PDE8B: variants seen among roughly 807,000 people sequenced by gnomAD.
PDE8B encodes the protein phosphodiesterase 8B.
A neutral mutation model predicts 101.3 loss-of-function variants in PDE8B; 26 were observed. The observed-to-expected ratio is 0.26, with a 90% CI of 0.19 to 0.36. The LOEUF is 0.36. Ranked by LOEUF, PDE8B falls within the 10% of genes least tolerant of loss-of-function variation. The probability of loss-of-function intolerance (pLI) is 1.00; values close to 1 mark genes in which losing one functional copy is unlikely to be tolerated. For synonymous variants in PDE8B, 424 were observed against 429.3 expected (o/e 0.99, Z 0.15); for missense variants, 810 against 1,163.1 (o/e 0.70, Z 4.42).
intron 10 of PDE8B, among the ~76,000 whole-genome samples, chr5:77,362,012 T>C (rs1783191046): frequency 6.6e-6 from 1 of 152,234 alleles, no homozygotes; most frequent in Non-Finnish European, 1.5e-5. Flanking sequence ...TTTGAAATTG[T>C]GTGTTATACA....
chr5:77,363,403 T>C (rs1218415715), intron 10 of PDE8B, among the ~76,000 whole-genome samples: 1 of 152,098 alleles, frequency 6.6e-6, no homozygotes, highest in African/African-American at 2.4e-5. Flanking sequence ...TGACGTGGGT[T>C]TGAGCAGTGG....
intron 10 of PDE8B, among the ~76,000 whole-genome samples, chr5:77,389,474 C>T (rs944260371): frequency 6.6e-6 from 1 of 151,548 alleles, no homozygotes; most frequent in Non-Finnish European, 1.5e-5. Flanking sequence ...CTGCCTTCTG[C>T]GGCGATCTCT....
At chr5:77,294,383 AG>A (rs1007568392) in intron 1 of PDE8B, among the ~76,000 whole-genome samples, 12 of 152,320 alleles carry the variant, frequency 7.9e-5, no homozygotes, top group Admixed American at 7.2e-4. Flanking sequence ...CCAGGAGTGG[AG>A]GGCTTGCTGT....
intron 1 of PDE8B, among the ~76,000 whole-genome samples, chr5:77,295,898 C>T (rs922156489): frequency 6.6e-6 from 1 of 152,104 alleles, no homozygotes; most frequent in East Asian, 1.9e-4. Context: ...CAAGATGTTA[C>T]GAGAAACAAC....
At chr5:77,386,042 A>G (rs1226139622) in intron 10 of PDE8B, among the ~76,000 whole-genome samples, 2 of 152,120 alleles carry the variant, frequency 1.3e-5, no homozygotes, top group South Asian at 2.1e-4. Flanking sequence ...CTGCCTTGGC[A>G]TCCCAAAGGG....
chr5:77,271,367 T>C (rs967532441), intron 1 of PDE8B, among the ~76,000 whole-genome samples: 1 of 152,182 alleles, frequency 6.6e-6, no homozygotes, highest in African/African-American at 2.4e-5. Context: ...CTGTGGCTGG[T>C]ACGTGATCTT....
intron 10 of PDE8B, among the ~76,000 whole-genome samples, chr5:77,396,280 G>T (rs1188850307): frequency 6.6e-6 from 1 of 152,140 alleles, no homozygotes; most frequent in African/African-American, 2.4e-5. Context: ...ACTTTCTGTT[G>T]CCCTGTCATT....
At chr5:77,296,169 CTTT>C (rs1275741398) in intron 1 of PDE8B, among the ~76,000 whole-genome samples, 2 of 148,314 alleles carry the variant, frequency 1.3e-5, no homozygotes, top group Non-Finnish European at 3.0e-5. Context: ...TCATCTTCTT[CTTT>C]TTTCTTCTTT....
In PDE8B at chr5:77,424,819, G is replaced by GTTT. The variant is rs912849753; in HGVS notation, c.2419-944_2419-942dup. Among the ~76,000 whole-genome samples the GTTT allele has an allele frequency of 4.5e-3, 498 of 109,988 alleles. 4 individuals carry two copies. Among genetic ancestry groups the GTTT allele is most frequent in the African/African-American group, 9.8e-3 (307 of 31,436 alleles). The allele number at this position is 109,988 out of a possible 152,430, so 72.2% of individuals were successfully genotyped here. The stretch of plus-strand genomic sequence containing the variant: ...CAAGTGAAACTGGTTCTGTTTTTTT[G>GTTT]TTTTTTGTTTTTTGTTTTTAATGTG... On this transcript the variant is annotated intron_variant, in intron 20 of 21. Transcript: ENST00000264917.
chr5:77,259,959 C>T (rs548924775), intron 1 of PDE8B, among the ~76,000 whole-genome samples: 153 of 152,078 alleles, frequency 1.0e-3, no homozygotes, highest in Non-Finnish European at 1.4e-3. Context: ...GTCAGGAGAT[C>T]GAGACCAGCC....
intron 1 of PDE8B, among the ~76,000 whole-genome samples, chr5:77,275,583 C>T (rs1763694409): frequency 6.6e-6 from 1 of 152,186 alleles, no homozygotes. Context: ...TGTGACTCAA[C>T]TAAAATACAA....
chr5:77,380,819 C>T (rs1787308808), intron 10 of PDE8B, among the ~76,000 whole-genome samples: 1 of 152,146 alleles, frequency 6.6e-6, no homozygotes, highest in Non-Finnish European at 1.5e-5. Context: ...TAGCATGTAA[C>T]AGAAGGGCTT....
chr5:77,202,061 CT>C, the PDE8B span, among the ~76,000 whole-genome samples: 2 of 152,150 alleles, frequency 1.3e-5, no homozygotes, highest in African/African-American at 2.4e-5. Context: ...GGGCCCCACC[CT>C]TATGACCTCG....
intron 10 of PDE8B, among the ~76,000 whole-genome samples, chr5:77,381,831 A>G (rs891297088): frequency 6.6e-6 from 1 of 152,178 alleles, no homozygotes; most frequent in South Asian, 2.1e-4. Context: ...ATAAAAATCA[A>G]TGTTTTAAAT....
chr5:77,199,335 A>G, the PDE8B span, among the ~76,000 whole-genome samples: 2 of 152,238 alleles, frequency 1.3e-5, no homozygotes, highest in Non-Finnish European at 2.9e-5. Context: ...ATAAATGTAT[A>G]TACTTCTCTC....
rs1581560978 is a variant in PDE8B, at chr5:77,411,739, T to G, written c.1576+18T>G. On this transcript the variant is annotated intron_variant, in intron 15 of 21. Coordinates refer to ENST00000264917, the MANE Select transcript of PDE8B (RefSeq NM_003719.5). ...TACTAAGAGTAAGTTTTCATCTATT[T>G]ACTTGTTAGTGTAACCTGTCTCCAG... The G allele has an allele frequency of 6.3e-7, 1 of 1,579,196 alleles. No homozygotes were observed. Among genetic ancestry groups the G allele is most frequent in the African/African-American group, 1.3e-5 (1 of 74,408 alleles).
Position 77,325,544 on chromosome 5 carries a change from G to A in PDE8B, c.405G>A (p.Leu135=), listed in dbSNP as rs771371095. The A allele has an allele frequency of 1.2e-5, 20 of 1,613,758 alleles. No individual in the cohort carries two copies. Among genetic ancestry groups the A allele is most frequent in the African/African-American group, 4.0e-5 (3 of 74,896 alleles). Residue 135 remains leucine, a synonymous_variant, in exon 3 of 22, where the codon TTG becomes TTA. Coordinates refer to ENST00000264917, the MANE Select transcript of PDE8B (RefSeq NM_003719.5). ...MRLTQDPIQV[L]LIFAKEDSQS... ...CCCTTTTTGTTGTGTTTCAGGTTTT[G>A]CTGATCTTTGCAAAGGAAGATAGTC...
At chr5:77,272,318 G>A (rs1359540272) in intron 1 of PDE8B, among the ~76,000 whole-genome samples, 4 of 152,174 alleles carry the variant, frequency 2.6e-5, no homozygotes, top group Non-Finnish European at 5.9e-5. Context: ...AGAGAGAACA[G>A]CCAAGTAACC....
intron 7 of PDE8B, among the ~76,000 whole-genome samples, chr5:77,348,016 T>A (rs1185207826): frequency 6.6e-6 from 1 of 151,920 alleles, no homozygotes; most frequent in Admixed American, 6.6e-5. Flanking sequence ...ATGAAGACAA[T>A]ATCAGGCCTC....
Sources: allele counts gnomAD v4.1 joint callset (sites outside exome capture counted in the v4.1 genomes callset), GRCh38; gene constraint gnomAD v4.1.1; transcripts MANE v1.5; gene names NCBI Gene and HGNC (gene_info 2026-07-23, HGNC 2026-07-21).